COG5: variants seen among roughly 807,000 people sequenced by gnomAD.
The protein encoded by COG5 is conserved oligomeric Golgi complex subunit 5.
A neutral mutation model predicts 110.4 loss-of-function variants in COG5; 86 were observed. The observed-to-expected ratio is 0.78, with a 90% CI of 0.65 to 0.93. The LOEUF (loss-of-function observed/expected upper bound fraction) is 0.93. COG5 is among the 40% of genes least tolerant of loss of function. The probability of loss-of-function intolerance (pLI) is 0.00; values close to 1 mark genes in which losing one functional copy is unlikely to be tolerated. For missense variants in COG5, 1,077 were observed against 987.0 expected, an observed-to-expected ratio of 1.09 and a Z score of -1.22; for synonymous variants, 360 against 334.6, an observed-to-expected ratio of 1.08 and a Z score of -0.83.
chr7:107,512,283 A>G (rs971233120), intron 6 of COG5, among the ~76,000 whole-genome samples: 1 of 152,108 alleles, frequency 6.6e-6, no homozygotes, highest in Non-Finnish European at 1.5e-5. Flanking sequence ...TCATGAGTGA[A>G]CTCCCATTCA....
At chr7:107,215,380 C>A (rs1201081473) in intron 19 of COG5, among the ~76,000 whole-genome samples, 1 of 151,950 alleles carries the variant, frequency 6.6e-6, no homozygotes. Flanking sequence ...AAAATAAGAC[C>A]CAGCTGGCTG....
chr7:107,331,782 T>C (rs1253597799), intron 10 of COG5, among the ~76,000 whole-genome samples: 2 of 151,824 alleles, frequency 1.3e-5, no homozygotes, highest in Non-Finnish European at 2.9e-5. Flanking sequence ...ATGTGCTCTT[T>C]TAAACTTATG....
Position 107,283,879 on chromosome 7 carries a change from C to A in COG5, c.1314-147G>T, listed in dbSNP as rs911404950. The A allele has an allele frequency of 6.3e-6, 4 of 635,740 alleles. No individual in the cohort carries two copies. The South Asian group carries it at 7.4e-5, about 12-fold the overall frequency. The allele number at this position is 635,740 out of a possible 1,614,324, so 39.4% of individuals were successfully genotyped here. ...AAAAAGAAAATAATTTGTTTCACAA[C>A]GTACATATTTACCAATATATTTCAT... On this transcript the variant is annotated intron_variant, in intron 12 of 21. Coordinates refer to ENST00000297135, the MANE Select transcript of COG5 (RefSeq NM_006348.5).
intron 7 of COG5, among the ~76,000 whole-genome samples, chr7:107,398,257 T>C (rs1302889704): frequency 6.6e-6 from 1 of 152,222 alleles, no homozygotes; most frequent in Non-Finnish European, 1.5e-5. Context: ...TCCATAGAAC[T>C]GAATATTATT....
At chr7:107,274,486 A>G (rs1306102925) in intron 14 of COG5, among the ~76,000 whole-genome samples, 3 of 151,918 alleles carry the variant, frequency 2.0e-5, no homozygotes, top group African/African-American at 7.3e-5. Context: ...TTACGGGAAT[A>G]TTTTCTCTCC....
At chr7:107,416,630 CAG>C (rs1792867347) in intron 6 of COG5, among the ~76,000 whole-genome samples, 1 of 152,046 alleles carries the variant, frequency 6.6e-6, no homozygotes, top group Admixed American at 6.6e-5. Flanking sequence ...ACCAATGGCA[CAG>C]AGTATAGCAT....
intron 19 of COG5, among the ~76,000 whole-genome samples, chr7:107,217,122 A>G (rs1799586256): frequency 6.6e-6 from 1 of 152,158 alleles, no homozygotes; most frequent in African/African-American, 2.4e-5. Flanking sequence ...TAAACTAGAA[A>G]AAAATGGATA....
intron 6 of COG5, among the ~76,000 whole-genome samples, chr7:107,488,548 G>A (rs2129126348): frequency 6.6e-6 from 1 of 152,172 alleles, no homozygotes; most frequent in African/African-American, 2.4e-5. Context: ...TTTGGTTTAA[G>A]CCAAAAGAAT....
At chr7:107,486,195 T>C (rs1797647381) in intron 6 of COG5, among the ~76,000 whole-genome samples, 1 of 151,990 alleles carries the variant, frequency 6.6e-6, no homozygotes, top group South Asian at 2.1e-4. Context: ...AGTATGGAAG[T>C]GTATGGTGAA....
intron 6 of COG5, among the ~76,000 whole-genome samples, chr7:107,479,819 T>G: frequency 6.6e-6 from 1 of 152,294 alleles, no homozygotes; most frequent in East Asian, 1.9e-4. Flanking sequence ...ATTATCTATT[T>G]TATATATTTT....
intron 6 of COG5, among the ~76,000 whole-genome samples, chr7:107,501,413 G>A (rs574445001): frequency 1.3e-5 from 2 of 152,070 alleles, no homozygotes; most frequent in East Asian, 3.9e-4. Flanking sequence ...GTGATAGCAA[G>A]GTAAAACACA....
At chr7:107,396,243 T>C (rs936842448) in intron 7 of COG5, among the ~76,000 whole-genome samples, 4 of 152,170 alleles carry the variant, frequency 2.6e-5, no homozygotes, top group African/African-American at 9.7e-5. Context: ...GCAAGAATTA[T>C]ATTAGCTACC....
chr7:107,349,406 C>CT lies in COG5; in HGVS notation c.1026+12626dup, dbSNP rs938966777. ...ATTAGGGTTCCACCATTAAATATGA[C>CT]TTTTTTTTTTGAGGCGGAGTCTTGC... On this transcript the variant is annotated intron_variant, in intron 10 of 21. Transcript: ENST00000297135. Among the ~76,000 whole-genome samples the CT allele has an allele frequency of 2.2e-3, 329 of 149,694 alleles. 3 individuals are homozygous for CT. Among genetic ancestry groups the CT allele is most frequent in the African/African-American group, 6.8e-3 (279 of 40,900 alleles).
At chr7:107,298,411 T>C (rs1283908257) in intron 11 of COG5, 65 bp from the exon 12 acceptor site, 1 of 1,331,794 alleles carries the variant, frequency 7.5e-7, no homozygotes, top group African/African-American at 1.5e-5. Flanking sequence ...TTCTTTTGCA[T>C]ATGAAGATAT....
chr7:107,231,996 A>G (rs1038374323), intron 18 of COG5, among the ~76,000 whole-genome samples: 1 of 152,216 alleles, frequency 6.6e-6, no homozygotes, highest in African/African-American at 2.4e-5. Flanking sequence ...TTATGACCTC[A>G]GTGTCGAGAG....
chr7:107,399,833 A>G (rs1293391568), intron 7 of COG5, among the ~76,000 whole-genome samples: 5 of 152,216 alleles, frequency 3.3e-5, no homozygotes, highest in Non-Finnish European at 7.3e-5. Context: ...ATCAGTAGTT[A>G]TTAAGAAAAT....
At chr7:107,328,095 T>G (rs906172080) in intron 10 of COG5, among the ~76,000 whole-genome samples, 1 of 152,202 alleles carries the variant, frequency 6.6e-6, no homozygotes, top group Admixed American at 6.5e-5. Context: ...AGTCATGCAT[T>G]TCTGAATGAT....
chr7:107,261,604 T>C (rs933301308), intron 14 of COG5, among the ~76,000 whole-genome samples: 13 of 152,182 alleles, frequency 8.5e-5, no homozygotes, highest in African/African-American at 3.1e-4. Flanking sequence ...GACCCTGCAA[T>C]ACTTCTTGAT....
chr7:107,421,517 A>G (rs1793288944), intron 6 of COG5, among the ~76,000 whole-genome samples: 1 of 152,224 alleles, frequency 6.6e-6, no homozygotes, highest in Admixed American at 6.5e-5. Context: ...TTGGCTGGGC[A>G]CAGTGGCTCA....
Sources: allele counts gnomAD v4.1 joint callset (sites outside exome capture counted in the v4.1 genomes callset), GRCh38; gene constraint gnomAD v4.1.1; transcripts MANE v1.5; gene names NCBI Gene and HGNC (gene_info 2026-07-23, HGNC 2026-07-21).